Variants in PCDH15 observed in about 807,000 individuals in gnomAD.
The protein encoded by PCDH15 is protocadherin-15.
In PCDH15, 129 loss-of-function variants were observed where a neutral mutation model predicts 178.5. That is an observed-to-expected ratio of 0.72 (90% CI 0.63 to 0.84). The LOEUF (loss-of-function observed/expected upper bound fraction) is 0.84. PCDH15 is among the 40% of genes least tolerant of loss of function. The pLI is 0.00. For synonymous variants in PCDH15, 800 were observed against 732.0 expected, an observed-to-expected ratio of 1.09 and a Z score of -1.50; for missense variants, 2,230 against 2,099.9, an observed-to-expected ratio of 1.06 and a Z score of -1.21.
chr10:54,538,786 T>C (rs1235592920), intron 2 of PCDH15, among the ~76,000 whole-genome samples: 2 of 152,194 alleles, frequency 1.3e-5, no homozygotes, highest in Non-Finnish European at 2.9e-5. Flanking sequence ...CCAGCCATGC[T>C]TCCTGTACAG....
intron 3 of PCDH15, among the ~76,000 whole-genome samples, chr10:54,408,343 A>G (rs1277704768): frequency 2.0e-5 from 3 of 152,144 alleles, no homozygotes; most frequent in African/African-American, 4.8e-5. Flanking sequence ...ATAAATGTAT[A>G]GTCTCATTAC....
intron 2 of PCDH15, among the ~76,000 whole-genome samples, chr10:55,580,724 TATTTCTAATCTAATAGGAAAAATGGCTC>T (rs1348792392): frequency 6.6e-6 from 1 of 152,196 alleles, no homozygotes; most frequent in African/African-American, 2.4e-5. Context: ...AAACAAAATC[TATTTCTAATCTAATAGGAAAAATGGCTC>T]ATTTCTCACC....
intron 3 of PCDH15, among the ~76,000 whole-genome samples, chr10:54,454,320 A>C (rs1033810617): frequency 6.0e-5 from 9 of 149,362 alleles, no homozygotes; most frequent in African/African-American, 2.2e-4. Context: ...AAAGAATTTC[A>C]TTTATAGATT....
chr10:55,177,607 A>T (rs1179323686), intron 1 of PCDH15, among the ~76,000 whole-genome samples: 1 of 152,184 alleles, frequency 6.6e-6, no homozygotes, highest in Non-Finnish European at 1.5e-5. Context: ...TATACCCTAC[A>T]TAATGTGGCA....
chr10:53,875,150 C>G (rs911459270), intron 26 of PCDH15, among the ~76,000 whole-genome samples: 1 of 151,830 alleles, frequency 6.6e-6, no homozygotes, highest in Admixed American at 6.6e-5. Flanking sequence ...TTTTCCAGAA[C>G]TGATAAAAGA....
At chr10:54,979,033 A>G (rs1350413992) in intron 2 of PCDH15, among the ~76,000 whole-genome samples, 3 of 152,206 alleles carry the variant, frequency 2.0e-5, no homozygotes, top group Non-Finnish European at 4.4e-5. Context: ...CTTGTGATGT[A>G]AATATTATTT....
chr10:54,038,894 A>G (rs16937871), intron 18 of PCDH15, among the ~76,000 whole-genome samples: 13,852 of 152,046 alleles, frequency 0.091, 1,760 homozygotes, highest in African/African-American at 0.29. Flanking sequence ...CAAATGAAAC[A>G]GCCAGCTACA....
At chr10:53,979,759 G>A (rs1425471577) in intron 21 of PCDH15, among the ~76,000 whole-genome samples, 1 of 152,080 alleles carries the variant, frequency 6.6e-6, no homozygotes, top group Non-Finnish European at 1.5e-5. Context: ...TTAAACGGAG[G>A]TGCTACAACT....
chr10:55,303,488 C>G (rs1843343512), intron 1 of PCDH15, among the ~76,000 whole-genome samples: 1 of 152,152 alleles, frequency 6.6e-6, no homozygotes, highest in Non-Finnish European at 1.5e-5. Context: ...AACACCACAA[C>G]CACACAGTAA....
chr10:54,264,198 A>G (rs2057518666), intron 8 of PCDH15, among the ~76,000 whole-genome samples: 1 of 152,122 alleles, frequency 6.6e-6, no homozygotes, highest in South Asian at 2.1e-4. Flanking sequence ...GTGATCCTTA[A>G]TAAACTCCCC....
chr10:54,031,772 G>T (rs376870366), intron 18 of PCDH15, among the ~76,000 whole-genome samples: 2 of 152,010 alleles, frequency 1.3e-5, no homozygotes, highest in Admixed American at 1.3e-4. Flanking sequence ...TGAAGATTAT[G>T]ACATCAATGC....
At chr10:53,934,743 A>G (rs909336868) in intron 25 of PCDH15, among the ~76,000 whole-genome samples, 1 of 152,128 alleles carries the variant, frequency 6.6e-6, no homozygotes, top group East Asian at 1.9e-4. Flanking sequence ...GGCCTGTTAA[A>G]ATTACTCTCT....
At chr10:53,970,034 T>C (rs549679197) in intron 21 of PCDH15, among the ~76,000 whole-genome samples, 3 of 152,322 alleles carry the variant, frequency 2.0e-5, no homozygotes, top group Non-Finnish European at 4.4e-5. Context: ...GTAAATGGGC[T>C]GAATGCTCCA....
intron 1 of PCDH15, among the ~76,000 whole-genome samples, chr10:54,754,319 T>C (rs1946769192): frequency 6.6e-6 from 1 of 152,194 alleles, no homozygotes; most frequent in Non-Finnish European, 1.5e-5. Flanking sequence ...CAAGGATGAA[T>C]TGGTGCTATT....
chr10:55,183,378 A>T (rs1306895607), intron 1 of PCDH15, among the ~76,000 whole-genome samples: 1 of 151,944 alleles, frequency 6.6e-6, no homozygotes, highest in Non-Finnish European at 1.5e-5. Context: ...AATCTGAGAT[A>T]AGTTTCAGAA....
At chr10:54,926,858 T>G (rs1002165513) in intron 2 of PCDH15, among the ~76,000 whole-genome samples, 1 of 152,056 alleles carries the variant, frequency 6.6e-6, no homozygotes, top group Non-Finnish European at 1.5e-5. Context: ...TTATTCTAGA[T>G]AGTAGTATAT....
chr10:54,192,890 C>A (rs1442063581), intron 11 of PCDH15, among the ~76,000 whole-genome samples: 1 of 152,076 alleles, frequency 6.6e-6, no homozygotes, highest in Non-Finnish European at 1.5e-5. Flanking sequence ...CCTTTCCTAC[C>A]AGTCCCAACT....
At chr10:54,422,564 G>T (rs992059815) in intron 3 of PCDH15, among the ~76,000 whole-genome samples, 6 of 152,066 alleles carry the variant, frequency 3.9e-5, no homozygotes, top group Non-Finnish European at 5.9e-5. Flanking sequence ...ATGCAGAGGG[G>T]GCCATAGGAT....
intron 17 of PCDH15, among the ~76,000 whole-genome samples, chr10:54,068,214 A>C (rs996131909): frequency 2.6e-5 from 4 of 152,010 alleles, no homozygotes; most frequent in Non-Finnish European, 5.9e-5. Flanking sequence ...AGCCTCTATA[A>C]ATTTTTTCAT....
Sources: allele counts gnomAD v4.1 joint callset (sites outside exome capture counted in the v4.1 genomes callset), GRCh38; gene constraint gnomAD v4.1.1; transcripts MANE v1.5; gene names NCBI Gene and HGNC (gene_info 2026-07-23, HGNC 2026-07-21).